The following NPAS3 variants were observed in gnomAD, a reference collection of about 807,000 sequenced individuals.
NPAS3 encodes neuronal PAS domain-containing protein 3.
In NPAS3, 14 loss-of-function variants were observed where a neutral mutation model predicts 73.1. That is an observed-to-expected ratio of 0.19 (90% CI 0.13 to 0.30). The LOEUF (loss-of-function observed/expected upper bound fraction) is 0.30. NPAS3 is among the 10% of genes least tolerant of loss of function. NPAS3 has a pLI of 1.00. For missense variants in NPAS3, 1,096 were observed against 1,250.0 expected, an observed-to-expected ratio of 0.88 and a Z score of 1.86; for synonymous variants, 620 against 541.5, an observed-to-expected ratio of 1.14 and a Z score of -2.01.
At chr14:33,499,439 G>T (rs1362754265) in intron 4 of NPAS3, among the ~76,000 whole-genome samples, 1 of 151,804 alleles carries the variant, frequency 6.6e-6, no homozygotes, top group Non-Finnish European at 1.5e-5. Context: ...AGTGCTTAAA[G>T]ATATCATTTC....
chr14:33,493,163 T>A (rs966383682), intron 4 of NPAS3, among the ~76,000 whole-genome samples: 4 of 152,168 alleles, frequency 2.6e-5, no homozygotes, highest in African/African-American at 7.2e-5. Flanking sequence ...CTTCTCATCA[T>A]CATTTTGGTG....
intron 2 of NPAS3, among the ~76,000 whole-genome samples, chr14:33,209,297 AT>A (rs1192988059): frequency 6.6e-6 from 1 of 152,098 alleles, no homozygotes; most frequent in Non-Finnish European, 1.5e-5. Context: ...TCTTGGAAGA[AT>A]TTTTTTCCTT....
At chr14:32,964,342 CA>C in intron 1 of NPAS3, among the ~76,000 whole-genome samples, 1 of 151,920 alleles carries the variant, frequency 6.6e-6, no homozygotes, top group East Asian at 1.9e-4. Flanking sequence ...AGTAAATTAC[CA>C]AGGTCATATA....
At chr14:33,415,025 AC>A (rs2048090385) in intron 4 of NPAS3, among the ~76,000 whole-genome samples, 2 of 152,100 alleles carry the variant, frequency 1.3e-5, no homozygotes, top group African/African-American at 4.8e-5. Context: ...TGTGCAAAAC[AC>A]CCACATTTCA....
At chr14:33,803,553 T>C (rs1236281151), downstream of NPAS3, 1 of 152,188 alleles carries the variant, frequency 6.6e-6, no homozygotes, top group Non-Finnish European at 1.5e-5. Context: ...TATCGAACAA[T>C]CAAAGGAATG....
intron 6 of NPAS3, among the ~76,000 whole-genome samples, chr14:33,698,204 G>A (rs1595460835): frequency 6.6e-6 from 1 of 152,182 alleles, no homozygotes; most frequent in South Asian, 2.1e-4. Flanking sequence ...AACTACAGGT[G>A]TCAAGAGACA....
chr14:33,100,727 G>T (rs1315154780), intron 2 of NPAS3, among the ~76,000 whole-genome samples: 2 of 152,110 alleles, frequency 1.3e-5, no homozygotes, highest in African/African-American at 4.8e-5. Context: ...CCTGATCTAT[G>T]TTTTACAGTG....
At chr14:32,978,072 C>G (rs1387553867) in intron 1 of NPAS3, among the ~76,000 whole-genome samples, 1 of 151,860 alleles carries the variant, frequency 6.6e-6, no homozygotes, top group Non-Finnish European at 1.5e-5. Flanking sequence ...GGCAAGTGCT[C>G]TCATTATTAT....
chr14:33,800,934 T>G lies in NPAS3; in HGVS notation c.2627T>G (p.Val876Gly). 6.2e-7 allele frequency: 1 copy of G among 1,607,772 alleles called. No homozygotes were observed. Among genetic ancestry groups the G allele is most frequent in the Non-Finnish European group, 8.5e-7 (1 of 1,177,606 alleles). ...CCCATGGAGATGCTCTACCACCACG[T>G]GCACCGGCTCAACATGTCAGGACCG... The change falls in exon 12 of 12, where the codon GTG (valine) becomes GGG (glycine). Residue 876 changes from valine (V) to glycine (G), a missense_variant. Around this residue, in one of 5 missense-constraint regions of NPAS3, gnomAD observed 698 missense variants for 676.7 expected, o/e 1.03. Coordinates refer to ENST00000356141, the Ensembl canonical transcript of NPAS3. This position sits in a 1 kb window ranked among gnomAD's most constrained non-coding sequence, Gnocchi z 6.5.
intron 5 of NPAS3, among the ~76,000 whole-genome samples, chr14:33,672,371 TAAAAG>T (rs998804263): frequency 6.6e-6 from 1 of 152,140 alleles, no homozygotes; most frequent in African/African-American, 2.4e-5. Flanking sequence ...CAAGTACAAG[TAAAAG>T]AAATTTTTTT....
intron 2 of NPAS3, among the ~76,000 whole-genome samples, chr14:33,080,211 C>G (rs2138715865): frequency 6.6e-6 from 1 of 151,800 alleles, no homozygotes. Context: ...GGGTTCACAC[C>G]ATTCTCCTGC....
chr14:33,557,244 A>G (rs1333412237), intron 4 of NPAS3, among the ~76,000 whole-genome samples: 1 of 152,180 alleles, frequency 6.6e-6, no homozygotes, highest in African/African-American at 2.4e-5. Context: ...GTTTTGTCAA[A>G]GGTAAGGAGC....
chr14:33,660,720 ATATC>A (rs1487909921), intron 5 of NPAS3, among the ~76,000 whole-genome samples: 1 of 152,184 alleles, frequency 6.6e-6, no homozygotes, highest in Non-Finnish European at 1.5e-5. Flanking sequence ...TTATCTTAAA[ATATC>A]CCGGGTTCTT....
chr14:33,738,119 C>T (rs774309317), intron 7 of NPAS3, among the ~76,000 whole-genome samples: 2 of 152,190 alleles, frequency 1.3e-5, no homozygotes, highest in African/African-American at 2.4e-5. Flanking sequence ...ATCCACACAA[C>T]AGGATTATTT....
intron 4 of NPAS3, among the ~76,000 whole-genome samples, chr14:33,482,061 T>G (rs1404460472): frequency 4.0e-5 from 6 of 151,680 alleles, no homozygotes; most frequent in Non-Finnish European, 5.9e-5. Context: ...AAGTTTTTTT[T>G]TTTTTTTTTT....
intron 4 of NPAS3, among the ~76,000 whole-genome samples, chr14:33,387,446 T>G (rs565397235): frequency 6.6e-6 from 1 of 152,294 alleles, no homozygotes; most frequent in African/African-American, 2.4e-5. Flanking sequence ...AGTTACCCAT[T>G]TTTTTGGCCT....
At position 33,153,061 on chromosome 14, in the gene NPAS3, A is replaced by G. The variant is rs114893225; in HGVS notation, c.141-62121A>G. ...TCATTTTTGTTGTTTTTAGTTTTTA[A>G]AACCTTTTTTTGTTCTCTGAATTTT... On this transcript the variant is annotated intron_variant, in intron 2 of 11. Coordinates refer to ENST00000356141, the Ensembl canonical transcript of NPAS3. 4.3e-3 allele frequency among the ~76,000 whole-genome samples: 652 copies of G among 150,650 alleles called. 7 individuals are homozygous for G. Among genetic ancestry groups the G allele is most frequent in the African/African-American group, 0.015 (610 of 41,028 alleles).
chr14:33,094,955 A>T (rs575348536), intron 2 of NPAS3, among the ~76,000 whole-genome samples: 1 of 152,176 alleles, frequency 6.6e-6, no homozygotes, highest in African/African-American at 2.4e-5. Flanking sequence ...GATTTAATGG[A>T]TATGGTTCTG....
chr14:33,215,900 AGT>A (rs2047206006), intron 3 of NPAS3, among the ~76,000 whole-genome samples: 1 of 152,190 alleles, frequency 6.6e-6, no homozygotes, highest in African/African-American at 2.4e-5. Context: ...TCTATGTATT[AGT>A]GTTTCAATTT....
Sources: gnomAD v4.1 joint callset for allele counts (sites outside exome capture counted in the v4.1 genomes callset) on GRCh38, gnomAD v4.1.1 for gene constraint, gnomAD v4.1.1 regional missense constraint, Gnocchi (gnomAD v3.1) non-coding constraint, MANE v1.5 for transcripts, NCBI Gene and HGNC (gene_info 2026-07-23, HGNC 2026-07-21) for gene names.